C12orf42: variants seen among roughly 807,000 people sequenced by gnomAD.
The protein encoded by C12orf42 is chromosome 12 open reading frame 42.
C12orf42 carries 25 observed loss-of-function variants against 21.6 expected under a neutral mutation model. That is an observed-to-expected ratio of 1.16 (90% CI 0.84 to 1.62). The LOEUF (loss-of-function observed/expected upper bound fraction) is 1.62. C12orf42 is among the 40% of genes most tolerant of loss of function. The pLI, the probability that C12orf42 is intolerant of heterozygous loss-of-function variation, is 0.00. For missense variants in C12orf42, 483 were observed against 459.3 expected, an observed-to-expected ratio of 1.05 and a Z score of -0.47; for synonymous variants, 174 against 175.0, an observed-to-expected ratio of 0.99 and a Z score of 0.05.
At chr12:103,118,892 A>C in the C12orf42 span, among the ~76,000 whole-genome samples, 1 of 151,892 alleles carries the variant, frequency 6.6e-6, no homozygotes, top group Non-Finnish European at 1.5e-5. Flanking sequence ...TCTGTGATTT[A>C]AATGCACACA....
intron 4 of C12orf42, among the ~76,000 whole-genome samples, chr12:103,353,569 C>A (rs144296995): frequency 5.0e-4 from 76 of 152,150 alleles, no homozygotes; most frequent in African/African-American, 1.8e-3. Context: ...GGCACTTTGA[C>A]AATTGTCTTT....
intron 6 of C12orf42, chr12:103,269,769 A>G (rs1374617148): frequency 2.6e-5 from 4 of 152,152 alleles, no homozygotes; most frequent in South Asian, 2.1e-4. Flanking sequence ...GCTCAGTACT[A>G]TGGTAAGGAT....
At chr12:103,089,063 C>T in the C12orf42 span, among the ~76,000 whole-genome samples, 1 of 140,460 alleles carries the variant, frequency 7.1e-6, no homozygotes, top group African/African-American at 2.8e-5. Context: ...GATCGCGCCA[C>T]TGCACTCCAG....
At chr12:103,100,044 C>A in the C12orf42 span, among the ~76,000 whole-genome samples, 3 of 152,198 alleles carry the variant, frequency 2.0e-5, no homozygotes, top group Non-Finnish European at 4.4e-5. Flanking sequence ...GCTCAAAGTG[C>A]ATTTTTAGTC....
intron 4 of C12orf42, among the ~76,000 whole-genome samples, chr12:103,314,135 A>G (rs946451281): frequency 2.6e-5 from 4 of 152,172 alleles, no homozygotes; most frequent in African/African-American, 9.7e-5. Flanking sequence ...TGACAAAGAC[A>G]GATGTGTTTT....
the C12orf42 span, among the ~76,000 whole-genome samples, chr12:103,551,019 C>A: frequency 5.9e-5 from 9 of 151,926 alleles, no homozygotes; most frequent in Non-Finnish European, 8.8e-5. Context: ...TTTGTTCTAT[C>A]ACTTATAGTG....
the C12orf42 span, among the ~76,000 whole-genome samples, chr12:103,206,849 G>T: frequency 6.6e-6 from 1 of 152,116 alleles, no homozygotes; most frequent in Non-Finnish European, 1.5e-5. Flanking sequence ...TCTCTGCACT[G>T]GAGCACCTCC....
the C12orf42 span, among the ~76,000 whole-genome samples, chr12:103,156,415 T>G: frequency 6.6e-6 from 1 of 152,142 alleles, no homozygotes; most frequent in South Asian, 2.1e-4. Flanking sequence ...GGGTGCAGAT[T>G]GCATGAGTGG....
intron 1 of C12orf42, among the ~76,000 whole-genome samples, chr12:103,488,347 T>A (rs1461034334): frequency 6.6e-6 from 1 of 152,206 alleles, no homozygotes; most frequent in African/African-American, 2.4e-5. Flanking sequence ...CTTCCCTTTG[T>A]GGGTAACCCA....
chr12:103,239,188 A>C (rs924408888), intron 10 of C12orf42, among the ~76,000 whole-genome samples: 2 of 152,222 alleles, frequency 1.3e-5, no homozygotes, highest in Non-Finnish European at 2.9e-5. Flanking sequence ...ATCCATGTAA[A>C]GACTTAAAAT....
chr12:103,153,324 A>C, the C12orf42 span, among the ~76,000 whole-genome samples: 1 of 152,190 alleles, frequency 6.6e-6, no homozygotes, highest in African/African-American at 2.4e-5. Context: ...ACACATTGTT[A>C]AATCAAACTA....
intron 1 of C12orf42, among the ~76,000 whole-genome samples, chr12:103,491,575 C>CTT (rs1397551757): frequency 6.6e-6 from 1 of 152,226 alleles, no homozygotes; most frequent in African/African-American, 2.4e-5. Flanking sequence ...TCTCCTTTTG[C>CTT]TTCCCTGTGC....
At chr12:103,353,632 C>T (rs1358241000) in intron 4 of C12orf42, among the ~76,000 whole-genome samples, 1 of 152,148 alleles carries the variant, frequency 6.6e-6, no homozygotes, top group Non-Finnish European at 1.5e-5. Context: ...AACTAAGCCC[C>T]AGGTTTGTAT....
At chr12:103,478,797 T>C (rs1954260755) in intron 1 of C12orf42, among the ~76,000 whole-genome samples, 1 of 152,134 alleles carries the variant, frequency 6.6e-6, no homozygotes, top group Admixed American at 6.6e-5. Flanking sequence ...GGGGTTGCAC[T>C]GTAATGATGT....
the C12orf42 span, among the ~76,000 whole-genome samples, chr12:103,227,565 G>T: frequency 3.9e-5 from 6 of 151,984 alleles, no homozygotes; most frequent in African/African-American, 1.5e-4. Context: ...AAGCGGTTGA[G>T]GGGTACTTGC....
At chr12:103,231,737 A>C in the C12orf42 span, among the ~76,000 whole-genome samples, 1 of 152,302 alleles carries the variant, frequency 6.6e-6, no homozygotes, top group South Asian at 2.1e-4. Flanking sequence ...GATTCTTCCA[A>C]GTTTTGGAAA....
the C12orf42 span, among the ~76,000 whole-genome samples, chr12:103,148,273 A>G: frequency 1.6e-4 from 25 of 152,256 alleles, no homozygotes; most frequent in African/African-American, 6.0e-4. Flanking sequence ...AAAGATCACT[A>G]TTATATTTCT....
At chr12:103,298,080 A>G (rs1407629218), downstream of C12orf42, among the ~76,000 whole-genome samples, 1 of 152,026 alleles carries the variant, frequency 6.6e-6, no homozygotes, top group Non-Finnish European at 1.5e-5. Context: ...CTCCTATTCA[A>G]CACAGTGTTG....
intron 4 of C12orf42, among the ~76,000 whole-genome samples, chr12:103,289,439 T>C (rs2036661313): frequency 6.6e-6 from 1 of 152,168 alleles, no homozygotes; most frequent in Non-Finnish European, 1.5e-5. Flanking sequence ...CATTTTACAA[T>C]TTTACTTTTA....
Sources: gnomAD v4.1 joint callset for allele counts (sites outside exome capture counted in the v4.1 genomes callset) on GRCh38, gnomAD v4.1.1 for gene constraint, MANE v1.5 for transcripts, NCBI Gene and HGNC (gene_info 2026-07-23, HGNC 2026-07-21) for gene names.